Variants in EXOC7 observed in about 807,000 individuals in gnomAD.
EXOC7 encodes exocyst complex component Exo70.
In EXOC7, 51 loss-of-function variants were observed where a neutral mutation model predicts 87.6. The observed-to-expected ratio is 0.58, with a 90% confidence interval of 0.46 to 0.73. The LOEUF (loss-of-function observed/expected upper bound fraction) is 0.73, where lower values mean the gene tolerates loss of function less well. Ranked by LOEUF, EXOC7 falls within the 30% of genes least tolerant of loss-of-function variation. EXOC7 has a pLI of 0.00. For synonymous variants in EXOC7, 327 were observed against 357.1 expected, an observed-to-expected ratio of 0.92 and a Z score of 0.95; for missense variants, 744 against 888.4, an observed-to-expected ratio of 0.84 and a Z score of 2.07.
chr17:76,098,108 T>A, intron 4 of EXOC7, 90 bp from the exon 5 acceptor site: 2 of 1,138,158 alleles, frequency 1.8e-6, no homozygotes, highest in Non-Finnish European at 2.6e-6. Context: ...TCTGTCTTCT[T>A]AACTCAGGGC....
intron 18 of EXOC7, 45 bp from the exon 19 acceptor site, chr17:76,083,795 C>T: frequency 6.3e-7 from 1 of 1,580,086 alleles, no homozygotes; most frequent in South Asian, 1.1e-5. Flanking sequence ...CCGACCCCTC[C>T]CCAGCTCCAC....
rs376125745 is a variant in EXOC7 at position 76,088,470 on chromosome 17, G to A, written c.1293C>T (p.Asn431=). The A allele has an allele frequency of 1.9e-5, 31 of 1,613,684 alleles. No individual in the cohort carries two copies. The highest frequency in any genetic ancestry group is 9.3e-5 in the African/African-American group (7 of 75,028). The change falls in exon 10 of 19, where the codon AAC becomes AAT. Residue 431 remains asparagine (N), a synonymous_variant. Transcript: ENST00000589210. ...AGGGGAGGACAGCAGGGACCTTGAT[G>A]TTGTCTGCGAAGTCCTCCAGCGCTT... ...GAKALEDFAD[N]IKNDPDKEYN... is the part of the protein sequence containing the mutation.
chr17:76,086,796 A>G, intron 12 of EXOC7: 1 of 1,492,094 alleles, frequency 6.7e-7, no homozygotes, highest in Non-Finnish European at 9.1e-7. Context: ...GTCCCCAGGG[A>G]ACCTCACCCA....
chr17:76,084,004 A>G lies in EXOC7; in HGVS notation c.1952+2T>C. ...AGGCTGGGAGGGGAATGGAGGCCTC[A>G]CTTCTGTAGAAAGGCCCCGTAGGTC... On this transcript the variant is annotated splice_donor_variant, in intron 18 of 18. Transcript: ENST00000589210. LOFTEE classifies it high-confidence loss of function. 6.4e-7 allele frequency: 1 copy of G among 1,566,022 alleles called. No individual in the cohort carries two copies. The highest frequency in any genetic ancestry group is 8.6e-7 in the Non-Finnish European group (1 of 1,159,850).
At chr17:76,090,361 T>C in intron 7 of EXOC7, 1 of 1,551,668 alleles carries the variant, frequency 6.4e-7, no homozygotes, top group Non-Finnish European at 8.7e-7. Flanking sequence ...GTTCAAGGCC[T>C]CGGACAGGTG....
In EXOC7 at chr17:76,081,216, C is replaced by A. The variant is rs2066955032; in HGVS notation, c.*2432G>T. 6.2e-7 allele frequency: 1 copy of A among 1,600,864 alleles called. No individual in the cohort carries two copies. Among genetic ancestry groups the A allele is most frequent in the Non-Finnish European group, 8.5e-7 (1 of 1,173,234 alleles). On this transcript the variant is annotated 3_prime_UTR_variant, in exon 19 of 19. Transcript: ENST00000589210. ...TCACCCCTGGGCTCCAGTCTGCTAC[C>A]CCCAGACTTGGCAGCTGGGATCTCT...
At position 76,097,910 on chromosome 17, in the gene EXOC7, CA is replaced by C; in HGVS notation, c.525del (p.Ser175ArgfsTer12). On this transcript the variant is annotated frameshift_variant, in exon 5 of 19. Coordinates refer to ENST00000589210, the MANE Select transcript of EXOC7 (RefSeq NM_001013839.4). LOFTEE classifies it high-confidence loss of function. ...VSPVLILDLI[S>X]GDDDLEAQED... is the part of the protein sequence containing the mutation. ...TCCTGGGCCTCCAGATCATCGTCAC[CA>C]CTGATCAGATCCAAGATGAGCACGG... 2 of 1,613,984 alleles carry C rather than the reference CA, an allele frequency of 1.2e-6. No individual in the cohort carries two copies. Among genetic ancestry groups the C allele is most frequent in the Non-Finnish European group, 1.7e-6 (2 of 1,179,986 alleles).
chr17:76,098,723 G>A (rs1050780002), intron 4 of EXOC7, among the ~76,000 whole-genome samples: 16 of 151,752 alleles, frequency 1.1e-4, no homozygotes, highest in African/African-American at 3.4e-4. Context: ...AAAATTAGCC[G>A]GGCGTGGTGG....
chr17:76,097,494 A>G (rs1389291646), intron 5 of EXOC7, among the ~76,000 whole-genome samples: 1 of 151,908 alleles, frequency 6.6e-6, no homozygotes, highest in Non-Finnish European at 1.5e-5. Flanking sequence ...ACCTGAGGTC[A>G]GAAGTTCAAG....
intron 6 of EXOC7, among the ~76,000 whole-genome samples, chr17:76,091,848 G>GA (rs986059583): frequency 1.3e-5 from 2 of 152,138 alleles, no homozygotes; most frequent in African/African-American, 4.8e-5. Flanking sequence ...AAAGCGACAA[G>GA]AAAAAATCCA....
At chr17:76,086,589 T>G (rs1374878576) in intron 12 of EXOC7, among the ~76,000 whole-genome samples, 1 of 151,600 alleles carries the variant, frequency 6.6e-6, no homozygotes, top group African/African-American at 2.4e-5. Context: ...GCCTGCACAG[T>G]GGGGAAGGCC....
chr17:76,103,337 T>C, intron 2 of EXOC7, 24 bp downstream of exon 2: 1 of 1,572,464 alleles, frequency 6.4e-7, no homozygotes, highest in African/African-American at 1.3e-5. Flanking sequence ...GCCTGCCCTC[T>C]CCCCCAGCTG....
chr17:76,098,140 T>C (rs1482644146), intron 4 of EXOC7, 122 bp from the exon 5 acceptor site: 1 of 776,738 alleles, frequency 1.3e-6, no homozygotes, highest in Non-Finnish European at 2.0e-6. Flanking sequence ...TCTGCCCTGA[T>C]ATCTTTTTTT....
At chr17:76,101,498 C>T (rs1241043207) in intron 3 of EXOC7, 122 bp from the exon 4 acceptor site, 2 of 1,437,244 alleles carry the variant, frequency 1.4e-6, no homozygotes, top group East Asian at 4.6e-5. Context: ...TTCTATCCCC[C>T]CACTGCCTTT....
intron 13 of EXOC7, 62 bp from the exon 14 acceptor site, chr17:76,085,859 A>C (rs2067188829): frequency 6.3e-7 from 1 of 1,585,196 alleles, no homozygotes; most frequent in South Asian, 1.1e-5. Flanking sequence ...ACCCCACCCC[A>C]GGACCCGCGA....
In EXOC7 at chr17:76,097,981, G is replaced by A; in HGVS notation, c.455C>T (p.Ser152Phe). The A allele has an allele frequency of 1.9e-6, 3 of 1,614,160 alleles. No homozygotes were observed. The highest frequency in any genetic ancestry group is 2.5e-6 in the Non-Finnish European group (3 of 1,180,044). ...CCGCGTCATCAGGCTGCGAAATTCG[G>A]ACTCCAGGGCCTCCTTCCCGCGCTC... ...LFERGKEALESEFRSLMTRHS... is the reference protein window; with the variant it reads ...LFERGKEALEFEFRSLMTRHS... The change falls in exon 5 of 19, where the codon TCC (serine) becomes TTC (phenylalanine). Residue 152 changes from serine (S) to phenylalanine (F), a missense_variant. By Grantham distance (155) the Ser-to-Phe change is radical. This residue lies in a region of EXOC7 where 512 missense variants were observed against 573.0 expected (regional missense o/e 0.89). Coordinates refer to ENST00000589210, the MANE Select transcript of EXOC7 (RefSeq NM_001013839.4).
intron 15 of EXOC7, 80 bp from the exon 16 acceptor site, chr17:76,084,660 G>A: frequency 2.3e-6 from 3 of 1,278,052 alleles, no homozygotes; most frequent in Middle Eastern, 1.9e-4. Flanking sequence ...CTAAATCTCT[G>A]GATCTACTTG....
At chr17:76,098,143 C>A in intron 4 of EXOC7, 125 bp from the exon 5 acceptor site, 2 of 592,578 alleles carry the variant, frequency 3.4e-6, no homozygotes, top group Non-Finnish European at 2.8e-6. Context: ...GCCCTGATAT[C>A]TTTTTTTTTT....
intron 6 of EXOC7, 197 bp downstream of exon 6, chr17:76,094,217 G>C: frequency 1.8e-6 from 1 of 551,112 alleles, no homozygotes; most frequent in East Asian, 3.1e-5. Context: ...TCTGCTAGCT[G>C]GAAGGAAGAG....
Sources: gnomAD v4.1 joint callset for allele counts (sites outside exome capture counted in the v4.1 genomes callset) on GRCh38, gnomAD v4.1.1 for gene constraint, gnomAD v4.1.1 regional missense constraint, MANE v1.5 for transcripts, NCBI Gene and HGNC (gene_info 2026-07-23, HGNC 2026-07-21) for gene names.